The following C1orf115 variants were observed in gnomAD, a reference collection of about 807,000 sequenced individuals.
The protein encoded by C1orf115 is chromosome 1 open reading frame 115, also known as required for drug-induced death protein 1.
Under a neutral mutation model 12.5 loss-of-function variants are expected in C1orf115, and 14 were observed. That is an observed-to-expected ratio of 1.12 (90% CI 0.74 to 1.75). The LOEUF (loss-of-function observed/expected upper bound fraction) is 1.75. Ranked by LOEUF, C1orf115 falls within the 40% of genes most tolerant of loss-of-function variation. The probability of loss-of-function intolerance (pLI) is 0.00; values close to 1 mark genes in which losing one functional copy is unlikely to be tolerated. For synonymous variants in C1orf115, 109 were observed against 104.6 expected (o/e 1.04, Z -0.26); for missense variants, 237 against 220.8 (o/e 1.07, Z -0.46).
intron 1 of C1orf115, 42 bp from the exon 2 acceptor site, chr1:220,696,570 C>T (rs1378911867): frequency 6.6e-7 from 1 of 1,505,346 alleles, no homozygotes; most frequent in Non-Finnish European, 9.0e-7. Context: ...AAAAAGTTGC[C>T]TACCCTAATC....
chr1:220,696,791 G>A lies in C1orf115; in HGVS notation c.*60G>A, dbSNP rs1333947049. ...CGGGAGCCCCTGCTGTGGGAACTTT[G>A]TGAATCCTGGAGCATCTCAGACTTG... On this transcript the variant is annotated 3_prime_UTR_variant, in exon 2 of 2. Transcript: ENST00000294889. 2 of 1,532,612 alleles carry A rather than the reference G, an allele frequency of 1.3e-6. No individual in the cohort carries two copies. The highest frequency in any genetic ancestry group is 1.2e-5 in the South Asian group (1 of 80,872). The allele number at this position is 1,532,612 out of a possible 1,614,324, so 94.9% of individuals were successfully genotyped here. A position where few individuals can be genotyped will look rare whatever the true frequency, so the allele number is the denominator to read the frequency against.
chr1:220,694,417 A>G (rs115026826), intron 1 of C1orf115, among the ~76,000 whole-genome samples: 1 of 152,188 alleles, frequency 6.6e-6, no homozygotes, highest in African/African-American at 2.4e-5. Flanking sequence ...TAAGTAAGTG[A>G]TAGAGTTGGA....
At chr1:220,696,536 T>G in intron 1 of C1orf115, 76 bp from the exon 2 acceptor site, 1 of 1,468,706 alleles carries the variant, frequency 6.8e-7, no homozygotes, top group Non-Finnish European at 9.2e-7. Context: ...TGACTCATTT[T>G]TTTTCATGAA....
At position 220,690,573 on chromosome 1, in the gene C1orf115, C is replaced by G. The variant is rs1201269390; in HGVS notation, c.171C>G (p.Asp57Glu). The change falls in exon 1 of 2, where the codon GAC (aspartate) becomes GAG (glutamate). Residue 57 changes from aspartate to glutamate, a missense_variant. Coordinates refer to ENST00000294889, the MANE Select transcript of C1orf115 (RefSeq NM_024709.5). ...AAAESGTSAA[D>E]ERGPGTRGAR... is the part of the protein sequence containing the mutation. Reference sequence around the variant, plus strand: ...CCGAGAGCGGGACGAGCGCGGCGGACGAGCGGGGCCCGGGGACCCGGGGCG... The same window carrying G: ...CCGAGAGCGGGACGAGCGCGGCGGAGGAGCGGGGCCCGGGGACCCGGGGCG... 1.3e-6 allele frequency: 2 copies of G among 1,490,296 alleles called. No individual in the cohort carries two copies. Among genetic ancestry groups the G allele is most frequent in the East Asian group, 5.6e-5 (2 of 35,456 alleles). 92.3% of individuals were successfully genotyped at this position (1,490,296 alleles called of 1,614,324 possible).
In C1orf115 at chr1:220,690,538, G is replaced by C; in HGVS notation, c.136G>C (p.Glu46Gln). The change falls in exon 1 of 2, where the codon GAG becomes CAG. Residue 46 changes from glutamate to glutamine, a missense_variant. Glu to Gln is a conservative substitution (Grantham distance 29, BLOSUM62 2). Coordinates refer to ENST00000294889, the MANE Select transcript of C1orf115 (RefSeq NM_024709.5). ...LEHLEYADEAEAAAESGTSAA... is the reference protein window; with the variant it reads ...LEHLEYADEAQAAAESGTSAA... ...GCACCTGGAGTACGCGGACGAGGCG[G>C]AGGCGGCGGCCGAGAGCGGGACGAG... The C allele has an allele frequency of 6.9e-7, 1 of 1,448,290 alleles. No homozygotes were observed. The highest frequency in any genetic ancestry group is 9.0e-7 in the Non-Finnish European group (1 of 1,107,172). The allele number at this position is 1,448,290 out of a possible 1,614,324, so 89.7% of individuals were successfully genotyped here.
intron 1 of C1orf115, among the ~76,000 whole-genome samples, chr1:220,691,492 G>T (rs913453365): frequency 6.6e-6 from 1 of 152,066 alleles, no homozygotes; most frequent in African/African-American, 2.4e-5. Flanking sequence ...CAAAGGCCAC[G>T]GGCCCCATCT....
Position 220,696,634 on chromosome 1 carries a change from A to C in C1orf115, c.332A>C (p.Lys111Thr). The C allele has an allele frequency of 6.3e-7, 1 of 1,593,636 alleles. No homozygotes were observed. Among genetic ancestry groups the C allele is most frequent in the Non-Finnish European group, 8.6e-7 (1 of 1,163,072 alleles). The change falls in exon 2 of 2, where the codon AAA (lysine) becomes ACA (threonine). Residue 111 changes from lysine to threonine, a missense_variant. By Grantham distance (78) the Lys-to-Thr change is moderately conservative. Transcript: ENST00000294889. Reference protein sequence around the residue: ...YGKNVGKVIIKGCRYVVIGLQ... With the variant: ...YGKNVGKVIITGCRYVVIGLQ... ...TAGAATGTCGGGAAGGTCATCATCA[A>C]AGGATGCCGCTACGTGGTCATCGGC... is the stretch of plus-strand genomic sequence containing the variant.
chr1:220,690,736 C>A, intron 1 of C1orf115, 25 bp downstream of exon 1: 1 of 1,559,044 alleles, frequency 6.4e-7, no homozygotes, highest in Non-Finnish European at 8.7e-7. Flanking sequence ...CCACCACTGC[C>A]CGGGGGGCGC....
rs755646310 is a variant in C1orf115, at chr1:220,696,641, C to G, written c.339C>G (p.Cys113Trp). ...KNVGKVIIKG[C>W]RYVVIGLQGF... The stretch of plus-strand genomic sequence containing the variant: ...TCGGGAAGGTCATCATCAAAGGATG[C>G]CGCTACGTGGTCATCGGCCTGCAAG... Residue 113 changes from cysteine to tryptophan, a missense_variant, in exon 2 of 2, where the codon TGC (cysteine) becomes TGG (tryptophan). Cys to Trp is a radical substitution (Grantham distance 215). Transcript: ENST00000294889. The G allele has an allele frequency of 2.5e-6, 4 of 1,595,146 alleles. No homozygotes were observed. Among genetic ancestry groups the G allele is most frequent in the African/African-American group, 1.3e-5 (1 of 74,664 alleles).
rs1454923972 is a variant in C1orf115, at chr1:220,690,565, G to A, written c.163G>A (p.Ala55Thr). Reference sequence around the variant, plus strand: ...GGCGGCGGCCGAGAGCGGGACGAGCGCGGCGGACGAGCGGGGCCCGGGGAC... The same window carrying A: ...GGCGGCGGCCGAGAGCGGGACGAGCACGGCGGACGAGCGGGGCCCGGGGAC... ...AEAAAESGTS[A>T]ADERGPGTRG... is the part of the protein sequence containing the mutation. The change falls in exon 1 of 2, where the codon GCG becomes ACG. Residue 55 changes from alanine to threonine, a missense_variant. Physicochemically the swap from Ala to Thr is moderately conservative, Grantham distance 58 (BLOSUM62 0). Coordinates refer to ENST00000294889, the MANE Select transcript of C1orf115 (RefSeq NM_024709.5). The A allele has an allele frequency of 6.8e-7, 1 of 1,480,956 alleles. No homozygotes were observed. The highest frequency in any genetic ancestry group is 8.9e-7 in the Non-Finnish European group (1 of 1,120,364). 91.7% of individuals were successfully genotyped at this position (1,480,956 alleles called of 1,614,324 possible).
At chr1:220,693,902 AC>A (rs1407920392) in intron 1 of C1orf115, among the ~76,000 whole-genome samples, 1 of 152,010 alleles carries the variant, frequency 6.6e-6, no homozygotes, top group Non-Finnish European at 1.5e-5. Context: ...AACATGGTGA[AC>A]CCTGTCTCTA....
intron 1 of C1orf115, 113 bp from the exon 2 acceptor site, chr1:220,696,499 G>A (rs77798645): frequency 4.7e-6 from 6 of 1,266,178 alleles, no homozygotes; most frequent in Admixed American, 4.7e-5. Context: ...AGAGAATCAG[G>A]AAAAATGATC....
chr1:220,693,952 T>C (rs1670149327), intron 1 of C1orf115, among the ~76,000 whole-genome samples: 1 of 151,920 alleles, frequency 6.6e-6, no homozygotes, highest in South Asian at 2.1e-4. Flanking sequence ...CGGTGGTGCA[T>C]GCCTATAATC....
At chr1:220,696,550 TG>T in intron 1 of C1orf115, 61 bp from the exon 2 acceptor site, 1 of 1,479,922 alleles carries the variant, frequency 6.8e-7, no homozygotes, top group Non-Finnish European at 9.1e-7. Context: ...TCATGAAAGA[TG>T]GCAGAATTAA....
intron 1 of C1orf115, among the ~76,000 whole-genome samples, chr1:220,694,257 T>C (rs1166028968): frequency 5.3e-5 from 8 of 152,212 alleles, no homozygotes; most frequent in South Asian, 2.1e-4. Context: ...ATAGCTGACA[T>C]TGGGGGGCAC....
chr1:220,691,781 C>T (rs186802225), intron 1 of C1orf115, among the ~76,000 whole-genome samples: 1 of 152,340 alleles, frequency 6.6e-6, no homozygotes, highest in Admixed American at 6.5e-5. Context: ...AGCTCAAGGA[C>T]TAGGACTTGA....
chr1:220,696,816 G>T lies in C1orf115; in HGVS notation c.*85G>T. ...GTGAATCCTGGAGCATCTCAGACTT[G>T]AACACACAGCATATTTGGAAGAGAA... On this transcript the variant is annotated 3_prime_UTR_variant, in exon 2 of 2. Transcript: ENST00000294889. 1 of 1,459,464 alleles carries T rather than the reference G, an allele frequency of 6.9e-7. No homozygotes were observed. Among genetic ancestry groups the T allele is most frequent in the Non-Finnish European group, 9.3e-7 (1 of 1,080,594 alleles). 90.4% of individuals were successfully genotyped at this position (1,459,464 alleles called of 1,614,324 possible). A position where few individuals can be genotyped will look rare whatever the true frequency, so the allele number is the denominator to read the frequency against.
rs1670223422 is a variant in C1orf115, at chr1:220,698,306, A to G, written c.*1575A>G. 2 of 152,392 alleles carry G rather than the reference A, an allele frequency of 1.3e-5. No individual in the cohort carries two copies. The highest frequency in any genetic ancestry group is 4.8e-5 in the African/African-American group (2 of 41,566). 9.4% of individuals were successfully genotyped at this position (152,392 alleles called of 1,614,324 possible). On this transcript the variant is annotated 3_prime_UTR_variant, in exon 2 of 2. Coordinates refer to ENST00000294889, the MANE Select transcript of C1orf115 (RefSeq NM_024709.5). ...GACAGAAAGACAGACAGAAAAAAGGAAGGGGTAGAGGAGAAGGTTGAAGCT... is the reference window on the plus strand; with the variant it reads ...GACAGAAAGACAGACAGAAAAAAGGGAGGGGTAGAGGAGAAGGTTGAAGCT...
chr1:220,690,822 C>G, intron 1 of C1orf115, 111 bp downstream of exon 1: 1 of 1,254,612 alleles, frequency 8.0e-7, no homozygotes, highest in Non-Finnish European at 1.1e-6. Flanking sequence ...GCTGCACCTG[C>G]GACCCCTCCG....
Sources: gnomAD v4.1 joint callset for allele counts (sites outside exome capture counted in the v4.1 genomes callset) on GRCh38, gnomAD v4.1.1 for gene constraint, MANE v1.5 for transcripts, NCBI Gene and HGNC (gene_info 2026-07-23, HGNC 2026-07-21) for gene names.